C10orf71: variants seen among roughly 807,000 people sequenced by gnomAD.
The protein encoded by C10orf71 is cardiac-enriched FHL2-interacting protein.
For missense variants in C10orf71, 1,869 were observed against 1,804.5 expected (o/e 1.04, Z -0.65); for synonymous variants, 758 against 726.3 (o/e 1.04, Z -0.70).
Position 49,323,611 on chromosome 10 carries a change from G to T in C10orf71, c.1066G>T (p.Ala356Ser). ...SIPWGCRDPG[A>S]QVFAVEGKAP... ...ACCCTGGGGGTGCAGGGATCCAGGA[G>T]CCCAGGTATTTGCTGTGGAAGGAAA... The change falls in exon 3 of 3, where the codon GCC (alanine) becomes TCC (serine). Residue 356 changes from alanine to serine, a missense_variant. Physicochemically the swap from Ala to Ser is moderately conservative, Grantham distance 99. Coordinates refer to ENST00000374144, the MANE Select transcript of C10orf71 (RefSeq NM_001135196.2). The T allele has an allele frequency of 6.2e-7, 1 of 1,602,148 alleles. No individual in the cohort carries two copies. The highest frequency in any genetic ancestry group is 8.5e-7 in the Non-Finnish European group (1 of 1,175,720).
intron 1 of C10orf71, among the ~76,000 whole-genome samples, chr10:49,305,678 G>A (rs376121271): frequency 7.2e-5 from 11 of 152,302 alleles, no homozygotes; most frequent in African/African-American, 2.6e-4. Flanking sequence ...ACCAGCGGGT[G>A]GGGTCTCCTC....
intron 1 of C10orf71, among the ~76,000 whole-genome samples, chr10:49,313,864 C>A (rs1848956301): frequency 6.6e-6 from 1 of 152,170 alleles, no homozygotes. Context: ...TGGACTGCAG[C>A]CAGGCAAATG....
At position 49,325,097 on chromosome 10, in the gene C10orf71, G is replaced by A; in HGVS notation, c.2552G>A (p.Arg851Lys). ...CCCTCACCATCTTCTGCTTCAAACA[G>A]GCACATGCTGTTTACGATTAAAGAC... ...LTPSPSSASN[R>K]HMLFTIKDNT... The change falls in exon 3 of 3, where the codon AGG becomes AAG. Residue 851 changes from arginine to lysine, a missense_variant. Transcript: ENST00000374144. The A allele has an allele frequency of 6.4e-7, 1 of 1,551,944 alleles. No homozygotes were observed. Among genetic ancestry groups the A allele is most frequent in the Non-Finnish European group, 8.7e-7 (1 of 1,147,066 alleles).
In C10orf71 at chr10:49,318,814, T is replaced by A. The variant is rs1320223635; in HGVS notation, c.-145+2567T>A. Among the ~76,000 whole-genome samples the A allele has an allele frequency of 2.6e-5, 4 of 152,206 alleles. No homozygotes were observed. In the East Asian group the frequency reaches 7.7e-4, roughly 29 times the overall value. On this transcript the variant is annotated intron_variant, in intron 2 of 2. Coordinates refer to ENST00000374144, the MANE Select transcript of C10orf71 (RefSeq NM_001135196.2). ...ACAGAAACAAAGAATGGTTGCAATC[T>A]CACAGCACAGATACAGATGAGAGAG... is the stretch of plus-strand genomic sequence containing the variant.
intron 1 of C10orf71, among the ~76,000 whole-genome samples, chr10:49,313,040 C>T (rs1848942280): frequency 1.3e-5 from 2 of 152,176 alleles, no homozygotes. Context: ...AAGAAACAGA[C>T]ATGGACCCCG....
rs1036932189 is a variant in C10orf71 at position 49,324,596 on chromosome 10, G to A, written c.2051G>A (p.Arg684Lys). ...GTGTCCCAAGAGACAGAACCTGAGA[G>A]GGAAGCAGGACTTCAGAACACACAT... ...RSVSQETEPE[R>K]EAGLQNTHLN... is the part of the protein sequence containing the mutation. The change falls in exon 3 of 3, where the codon AGG (arginine) becomes AAG (lysine). Residue 684 changes from arginine to lysine, a missense_variant. Arg to Lys is a conservative substitution (Grantham distance 26, BLOSUM62 2). Coordinates refer to ENST00000374144, the MANE Select transcript of C10orf71 (RefSeq NM_001135196.2). 1.3e-5 allele frequency: 21 copies of A among 1,613,848 alleles called. No individual in the cohort carries two copies. Among genetic ancestry groups the A allele is most frequent in the Middle Eastern group, 3.3e-4 (2 of 6,084 alleles).
chr10:49,311,279 A>G (rs952448073), intron 1 of C10orf71, among the ~76,000 whole-genome samples: 14 of 152,170 alleles, frequency 9.2e-5, no homozygotes, highest in African/African-American at 3.4e-4. Context: ...AGGAGTTGTG[A>G]GTCTTCTCCC....
In C10orf71 at chr10:49,323,904, C is replaced by G; in HGVS notation, c.1359C>G (p.Ser453Arg). 6.2e-7 allele frequency: 1 copy of G among 1,613,728 alleles called. No homozygotes were observed. ...ISKLLTPIIP[S>R]KHALDSADSQ... ...AGCTCCTGACCCCCATCATACCCAGCAAGCACGCCCTGGATTCAGCAGACA... is the reference window on the plus strand; with the variant it reads ...AGCTCCTGACCCCCATCATACCCAGGAAGCACGCCCTGGATTCAGCAGACA... The change falls in exon 3 of 3, where the codon AGC becomes AGG. Residue 453 changes from serine (S) to arginine (R), a missense_variant. Transcript: ENST00000374144.
chr10:49,300,547 C>T (rs1293676659), intron 1 of C10orf71, among the ~76,000 whole-genome samples: 1 of 151,550 alleles, frequency 6.6e-6, no homozygotes, highest in Non-Finnish European at 1.5e-5. Context: ...GGCTGGCTGG[C>T]TCCTGAGCCT....
Position 49,324,636 on chromosome 10 carries a change from C to A in C10orf71, c.2091C>A (p.Phe697Leu), listed in dbSNP as rs773635270. Reference protein sequence around the residue: ...GLQNTHLNQKFFPGPLSPEEE... With the variant: ...GLQNTHLNQKLFPGPLSPEEE... ...AGAACACACATTTGAACCAGAAATTCTTCCCAGGGCCCCTCTCTCCTGAGG... is the reference window on the plus strand; with the variant it reads ...AGAACACACATTTGAACCAGAAATTATTCCCAGGGCCCCTCTCTCCTGAGG... Residue 697 changes from phenylalanine (F) to leucine (L), a missense_variant, in exon 3 of 3, where the codon TTC (phenylalanine) becomes TTA (leucine). Coordinates refer to ENST00000374144, the MANE Select transcript of C10orf71 (RefSeq NM_001135196.2). The A allele has an allele frequency of 6.8e-6, 11 of 1,613,696 alleles. No individual in the cohort carries two copies. The Admixed American group carries it at 1.7e-4, about 24-fold the overall frequency.
intron 2 of C10orf71, among the ~76,000 whole-genome samples, chr10:49,318,718 T>C (rs1849040391): frequency 6.6e-6 from 1 of 152,214 alleles, no homozygotes; most frequent in Non-Finnish European, 1.5e-5. Flanking sequence ...GCCCAGCAGC[T>C]TTGAGCCTAT....
chr10:49,311,803 C>T (rs986582983), intron 1 of C10orf71, among the ~76,000 whole-genome samples: 8 of 152,128 alleles, frequency 5.3e-5, no homozygotes, highest in African/African-American at 1.9e-4. Flanking sequence ...GCACAGGGCA[C>T]CACAGGCCTG....
Position 49,324,621 on chromosome 10 carries a change from T to C in C10orf71, c.2076T>C (p.His692=). 1 of 1,613,816 alleles carries C rather than the reference T, an allele frequency of 6.2e-7. No homozygotes were observed. The highest frequency in any genetic ancestry group is 8.5e-7 in the Non-Finnish European group (1 of 1,179,822). The part of the protein sequence containing the change: ...PEREAGLQNT[H]LNQKFFPGPL... Reference sequence around the variant, plus strand: ...GGGAAGCAGGACTTCAGAACACACATTTGAACCAGAAATTCTTCCCAGGGC... The same window carrying C: ...GGGAAGCAGGACTTCAGAACACACACTTGAACCAGAAATTCTTCCCAGGGC... The change falls in exon 3 of 3, where the codon CAT becomes CAC. Residue 692 remains histidine (H), a synonymous_variant. Transcript: ENST00000374144.
Position 49,324,410 on chromosome 10 carries a change from A to C in C10orf71, c.1865A>C (p.Glu622Ala), listed in dbSNP as rs369740517. The C allele has an allele frequency of 3.4e-5, 55 of 1,612,226 alleles. No homozygotes were observed. In the African/African-American group the frequency reaches 6.0e-4, roughly 18 times the overall value. The change falls in exon 3 of 3, where the codon GAG becomes GCG. Residue 622 changes from glutamate (E) to alanine (A), a missense_variant. Glu to Ala is a moderately radical substitution (Grantham distance 107). Transcript: ENST00000374144. ...SSYENKEVEG[E>A]LEMGPAGSSW... ...TATGAGAACAAGGAGGTGGAAGGAGAGTTGGAGATGGGTCCTGCCGGATCC... is the reference window on the plus strand; with the variant it reads ...TATGAGAACAAGGAGGTGGAAGGAGCGTTGGAGATGGGTCCTGCCGGATCC...
intron 2 of C10orf71, among the ~76,000 whole-genome samples, chr10:49,320,807 G>C (rs1321437050): frequency 1.3e-5 from 2 of 152,314 alleles, no homozygotes; most frequent in East Asian, 3.9e-4. Flanking sequence ...TGGAGACCCA[G>C]GAAGAGTTGA....
At position 49,310,855 on chromosome 10, in the gene C10orf71, A is replaced by C. The variant is rs147484272; in HGVS notation, c.-247-5290A>C. 3.7e-4 allele frequency among the ~76,000 whole-genome samples: 56 copies of C among 152,142 alleles called. No individual in the cohort carries two copies. In the East Asian group the frequency reaches 0.01, roughly 27 times the overall value. The stretch of plus-strand genomic sequence containing the variant: ...AGAGGAGGAAGTCGTCGTCCAGTGG[A>C]ATTTGAATTTCAGATAATGAATAAT... On this transcript the variant is annotated intron_variant, in intron 1 of 2. Transcript: ENST00000374144.
rs1298973845 is a variant in C10orf71 at position 49,324,251 on chromosome 10, A to ACTG, written c.1707_1708insTGC (p.His569_Ile570insCys). ...CCCGCTGATGACCCCACTGCATCAC[A>ACTG]CATCAATCCCCAGAAGGACCCTACA... is the stretch of plus-strand genomic sequence containing the variant. On this transcript the variant is annotated inframe_insertion, in exon 3 of 3. Coordinates refer to ENST00000374144, the MANE Select transcript of C10orf71 (RefSeq NM_001135196.2). 4.3e-6 allele frequency: 7 copies of ACTG among 1,613,974 alleles called. No individual in the cohort carries two copies. Among genetic ancestry groups the ACTG allele is most frequent in the Non-Finnish European group, 5.9e-6 (7 of 1,179,886 alleles).
At position 49,325,067 on chromosome 10, in the gene C10orf71, T is replaced by G; in HGVS notation, c.2522T>G (p.Leu841Arg). Residue 841 changes from leucine to arginine, a missense_variant, in exon 3 of 3, where the codon CTT (leucine) becomes CGT (arginine). By Grantham distance (102) the Leu-to-Arg change is moderately radical. Transcript: ENST00000374144. ...ACAACCTTTTCACAGGCCAAAGACC[T>G]TACTCCCTCACCATCTTCTGCTTCA... The part of the protein sequence containing the change: ...KGTTFSQAKD[L>R]TPSPSSASNR... 1 of 1,551,818 alleles carries G rather than the reference T, an allele frequency of 6.4e-7. No homozygotes were observed.
Position 49,325,943 on chromosome 10 carries a change from A to T in C10orf71, c.3398A>T (p.Asp1133Val). 2 of 1,551,222 alleles carry T rather than the reference A, an allele frequency of 1.3e-6. No homozygotes were observed. The highest frequency in any genetic ancestry group is 1.7e-6 in the Non-Finnish European group (2 of 1,146,828). Residue 1133 changes from aspartate to valine, a missense_variant, in exon 3 of 3, where the codon GAC becomes GTC. Coordinates refer to ENST00000374144, the MANE Select transcript of C10orf71 (RefSeq NM_001135196.2). ...SDPLLELSAE[D>V]LRTLSPRGSL... ...CCCCTACTTGAGCTGTCGGCAGAAG[A>T]CCTCCGGACCCTCTCTCCAAGAGGT...
Sources: gnomAD v4.1 joint callset for allele counts (sites outside exome capture counted in the v4.1 genomes callset) on GRCh38, gnomAD v4.1.1 for gene constraint, MANE v1.5 for transcripts, NCBI Gene and HGNC (gene_info 2026-07-23, HGNC 2026-07-21) for gene names.